Variants in PARD3 observed in about 807,000 individuals in gnomAD.
The protein encoded by PARD3 is partitioning defective 3 homolog.
Under a neutral mutation model 155.4 loss-of-function variants are expected in PARD3, and 75 were observed. The ratio of observed to expected loss-of-function variants is 0.48; its 90% CI spans 0.40 to 0.58. PARD3 has a LOEUF of 0.58. PARD3 is among the 20% of genes least tolerant of loss of function. The probability of loss-of-function intolerance (pLI) is 0.00; values close to 1 mark genes in which losing one functional copy is unlikely to be tolerated. For missense variants in PARD3, 1,642 were observed against 1,721.7 expected (o/e 0.95, Z 0.82); for synonymous variants, 576 against 610.5 (o/e 0.94, Z 0.83).
chr10:34,413,497 C>G (rs753634458), intron 5 of PARD3, among the ~76,000 whole-genome samples: 1 of 148,416 alleles, frequency 6.7e-6, no homozygotes, highest in African/African-American at 2.5e-5. Flanking sequence ...CTACCAGATA[C>G]TATTTCCTAT....
chr10:34,286,904 G>A (rs1337404404), intron 20 of PARD3, among the ~76,000 whole-genome samples: 3 of 152,168 alleles, frequency 2.0e-5, no homozygotes, highest in Non-Finnish European at 4.4e-5. Context: ...TATTTTCACA[G>A]CAGCACCAAT....
At chr10:34,769,811 A>AAAAAACAAG (rs1838633090) in intron 1 of PARD3, among the ~76,000 whole-genome samples, 1 of 151,180 alleles carries the variant, frequency 6.6e-6, no homozygotes, top group East Asian at 1.9e-4. Context: ...AAACAAAAAA[A>AAAAAACAAG]AAAACAAGAA....
At chr10:34,379,736 C>G (rs1841633802) in intron 9 of PARD3, among the ~76,000 whole-genome samples, 1 of 152,052 alleles carries the variant, frequency 6.6e-6, no homozygotes, top group African/African-American at 2.4e-5. Context: ...TCTGCACTGA[C>G]TGAAACAGAT....
At chr10:34,273,086 T>G (rs1350759584) in intron 21 of PARD3, among the ~76,000 whole-genome samples, 1 of 152,202 alleles carries the variant, frequency 6.6e-6, no homozygotes, top group African/African-American at 2.4e-5. Flanking sequence ...AACATATACT[T>G]ATCATACTGT....
chr10:34,352,712 C>A (rs527947050), intron 14 of PARD3, among the ~76,000 whole-genome samples: 15 of 152,344 alleles, frequency 9.8e-5, no homozygotes, highest in Middle Eastern at 3.4e-3. Flanking sequence ...CACCTCGCAG[C>A]CGCCTGCCTT....
chr10:34,747,550 A>G (rs1193195736), intron 1 of PARD3, among the ~76,000 whole-genome samples: 1 of 152,226 alleles, frequency 6.6e-6, no homozygotes, highest in Non-Finnish European at 1.5e-5. Flanking sequence ...CTAAAAATGA[A>G]AAGTTTTCAT....
At chr10:34,286,761 A>T (rs1444948224) in intron 20 of PARD3, among the ~76,000 whole-genome samples, 1 of 152,238 alleles carries the variant, frequency 6.6e-6, no homozygotes, top group Non-Finnish European at 1.5e-5. Flanking sequence ...AGCACTGGTG[A>T]CATTTTAATG....
chr10:34,602,355 T>G (rs2089864099), intron 2 of PARD3, among the ~76,000 whole-genome samples: 1 of 152,246 alleles, frequency 6.6e-6, no homozygotes, highest in Admixed American at 6.5e-5. Flanking sequence ...ATGGAAAACT[T>G]TCACTGAATT....
intron 2 of PARD3, among the ~76,000 whole-genome samples, chr10:34,521,418 A>C (rs542953849): frequency 1.4e-4 from 21 of 152,152 alleles, no homozygotes; most frequent in African/African-American, 5.1e-4. Flanking sequence ...CTGCGTATTA[A>C]AAATCTCCAT....
chr10:34,707,812 G>A (rs965096572), intron 1 of PARD3, among the ~76,000 whole-genome samples: 21 of 152,198 alleles, frequency 1.4e-4, no homozygotes, highest in African/African-American at 4.1e-4. Flanking sequence ...GATTGCTAAC[G>A]CCACATCTTT....
intron 20 of PARD3, among the ~76,000 whole-genome samples, chr10:34,307,203 T>C (rs746668356): frequency 3.9e-5 from 6 of 152,124 alleles, no homozygotes; most frequent in Non-Finnish European, 7.3e-5. Flanking sequence ...AAGTTTTATT[T>C]ATTCATTCAC....
At chr10:34,410,594 A>C (rs1175358933) in intron 5 of PARD3, among the ~76,000 whole-genome samples, 1 of 152,174 alleles carries the variant, frequency 6.6e-6, no homozygotes, top group East Asian at 1.9e-4. Context: ...GTATCAAACT[A>C]CTTTCTAAAA....
chr10:34,139,829 G>A (rs983095772), intron 22 of PARD3, among the ~76,000 whole-genome samples: 6 of 152,122 alleles, frequency 3.9e-5, no homozygotes, highest in Admixed American at 6.5e-5. Context: ...AGCATTGGGG[G>A]GATAAATGTC....
chr10:34,591,151 C>T (rs1271657372), intron 2 of PARD3, among the ~76,000 whole-genome samples: 1 of 152,062 alleles, frequency 6.6e-6, no homozygotes, highest in Non-Finnish European at 1.5e-5. Context: ...ATCACCCCCT[C>T]CCCATCCCAC....
At chr10:34,400,689 T>C (rs1243160910) in intron 6 of PARD3, among the ~76,000 whole-genome samples, 1 of 152,202 alleles carries the variant, frequency 6.6e-6, no homozygotes, top group Non-Finnish European at 1.5e-5. Flanking sequence ...CTATGTACTA[T>C]GAATGTCCTG....
intron 2 of PARD3, among the ~76,000 whole-genome samples, chr10:34,656,982 G>A (rs11009848): frequency 5.3e-4 from 81 of 152,316 alleles, no homozygotes; most frequent in Middle Eastern, 3.4e-3. Context: ...GCCTAAGGGA[G>A]AGAAGAGACA....
intron 3 of PARD3, among the ~76,000 whole-genome samples, chr10:34,486,865 T>C (rs2079510982): frequency 6.6e-6 from 1 of 152,070 alleles, no homozygotes; most frequent in Non-Finnish European, 1.5e-5. Flanking sequence ...ATTATATATG[T>C]ACACATATAT....
At chr10:34,693,220 A>G (rs1228735911) in intron 2 of PARD3, among the ~76,000 whole-genome samples, 1 of 152,248 alleles carries the variant, frequency 6.6e-6, no homozygotes, top group African/African-American at 2.4e-5. Context: ...AAACAGGGTT[A>G]TCATTCAACC....
intron 2 of PARD3, among the ~76,000 whole-genome samples, chr10:34,573,739 ACACACACACACACAC>A (rs1272287197): frequency 2.8e-4 from 5 of 17,576 alleles, no homozygotes; most frequent in African/African-American, 1.9e-3. Flanking sequence ...AAACAAAAAC[ACACACACACACACAC>A]ACACACACAC....
Sources: allele counts gnomAD v4.1 joint callset (sites outside exome capture counted in the v4.1 genomes callset), GRCh38; gene constraint gnomAD v4.1.1; transcripts MANE v1.5; gene names NCBI Gene and HGNC (gene_info 2026-07-23, HGNC 2026-07-21).